NECTIN4: variants seen among roughly 807,000 people sequenced by gnomAD.
NECTIN4 encodes nectin-4.
Under a neutral mutation model 51.7 loss-of-function variants are expected in NECTIN4, and 19 were observed. The ratio of observed to expected loss-of-function variants is 0.37; its 90% CI spans 0.26 to 0.54. The LOEUF (loss-of-function observed/expected upper bound fraction) is 0.54. Among genes scored for constraint, NECTIN4 ranks in the 20% least tolerant of loss-of-function variants. NECTIN4 has a pLI of 0.86. For missense variants in NECTIN4, 619 were observed against 662.4 expected (o/e 0.93, Z 0.72); for synonymous variants, 283 against 286.9 (o/e 0.99, Z 0.14).
rs1653661519 is a variant in NECTIN4, at chr1:161,081,127, C to T, written c.80-1178G>A. Among the ~76,000 whole-genome samples the T allele has an allele frequency of 1.3e-5, 2 of 152,228 alleles. 1 individual carries two copies. The highest frequency in any genetic ancestry group is 4.2e-4 in the South Asian group (2 of 4,812). On this transcript the variant is annotated intron_variant, in intron 1 of 8. Coordinates refer to ENST00000368012, the MANE Select transcript of NECTIN4 (RefSeq NM_030916.3). ...TGTTTAGGAAGCAAAGAGGAGAGGA[C>T]CCAGCCTAAGACAGGGTGTGTGTGT...
intron 2 of NECTIN4, among the ~76,000 whole-genome samples, chr1:161,078,452 T>C (rs1417328588): frequency 1.3e-5 from 2 of 151,674 alleles, no homozygotes; most frequent in Non-Finnish European, 2.9e-5. Context: ...GGATTACAGG[T>C]GCGCACCACC....
rs374434567 is a variant in NECTIN4 at position 161,079,712 on chromosome 1, T to G, written c.317A>C (p.Asn106Thr). 43 of 1,608,874 alleles carry G rather than the reference T, an allele frequency of 2.7e-5. No individual in the cohort carries two copies. Among genetic ancestry groups the G allele is most frequent in the Non-Finnish European group, 3.5e-5 (41 of 1,179,762 alleles). ...CAGGAGCACTGAGCCGTCCAGGGGG[T>G]TGCGTGGGGGCGGCGGCTGCTCCAC... ...GRVEQPPPPR[N>T]PLDGSVLLRN... Residue 106 changes from asparagine to threonine, a missense_variant, in exon 2 of 9, where the codon AAC becomes ACC. Around this residue, in one of 3 missense-constraint regions of NECTIN4, gnomAD observed 218 missense variants for 186.3 expected, o/e 1.17. Coordinates refer to ENST00000368012, the MANE Select transcript of NECTIN4 (RefSeq NM_030916.3).
chr1:161,083,695 A>G (rs1415675583), intron 1 of NECTIN4, among the ~76,000 whole-genome samples: 15 of 152,188 alleles, frequency 9.9e-5, no homozygotes, highest in Admixed American at 9.8e-4. Context: ...CACCTTGCGC[A>G]AGGGAGAGAA....
chr1:161,074,198 A>T lies in NECTIN4; in HGVS notation c.1157+19T>A, dbSNP rs1653308655. On this transcript the variant is annotated intron_variant, in intron 6 of 8. Transcript: ENST00000368012. Reference sequence around the variant, plus strand: ...GTTCTCAGCTTAGTTCTACCCACCCAGGAGTGCCCAGTACTCACTATTTCT... The same window carrying T: ...GTTCTCAGCTTAGTTCTACCCACCCTGGAGTGCCCAGTACTCACTATTTCT... 6.2e-7 allele frequency: 1 copy of T among 1,613,860 alleles called. No homozygotes were observed. The highest frequency in any genetic ancestry group is 1.3e-5 in the African/African-American group (1 of 74,862).
At chr1:161,088,438 A>G (rs1348535554) in intron 1 of NECTIN4, among the ~76,000 whole-genome samples, 1 of 152,148 alleles carries the variant, frequency 6.6e-6, no homozygotes, top group Admixed American at 6.5e-5. Flanking sequence ...TATAATTCAT[A>G]TTTGCTCTAT....
At position 161,079,273 on chromosome 1, in the gene NECTIN4, C is replaced by G. The variant is rs147412953; in HGVS notation, c.439+317G>C. Reference sequence around the variant, plus strand: ...GGTGGGGCACGACAAAGGGCCTCTGCTTTTGGAAAGGTTGTTGTGCAGAAA... The same window carrying G: ...GGTGGGGCACGACAAAGGGCCTCTGGTTTTGGAAAGGTTGTTGTGCAGAAA... On this transcript the variant is annotated intron_variant, in intron 2 of 8. Transcript: ENST00000368012. Among the ~76,000 whole-genome samples the G allele has an allele frequency of 2.6e-5, 4 of 152,308 alleles. No individual in the cohort carries two copies. In the East Asian group the frequency reaches 7.7e-4, roughly 29 times the overall value.
At position 161,089,434 on chromosome 1, in the gene NECTIN4, A is replaced by G; in HGVS notation, c.-138T>C. On this transcript the variant is annotated 5_prime_UTR_variant, in exon 1 of 9. Transcript: ENST00000368012. This position sits in a 1 kb window ranked among gnomAD's most constrained non-coding sequence, Gnocchi z 4.1. ...TGCCTCTCGCACTTGGGTCTCCACT[A>G]GGGGACCCAGCCCCAGCCCCGGCCC... The G allele has an allele frequency of 5.3e-6, 4 of 761,434 alleles. No individual in the cohort carries two copies. The highest frequency in any genetic ancestry group is 4.4e-5 in the South Asian group (3 of 68,026). The allele number at this position is 761,434 out of a possible 1,614,324, so 47.2% of individuals were successfully genotyped here. A position where few individuals can be genotyped will look rare whatever the true frequency, so the allele number is the denominator to read the frequency against.
intron 1 of NECTIN4, among the ~76,000 whole-genome samples, chr1:161,081,429 A>G (rs1653672322): frequency 6.6e-6 from 1 of 151,890 alleles, no homozygotes. Context: ...GAAGGAGAGG[A>G]AAGACTCAAA....
intron 1 of NECTIN4, chr1:161,086,793 GATT>G (rs1653968649): frequency 6.6e-6 from 1 of 152,400 alleles, no homozygotes; most frequent in Non-Finnish European, 1.5e-5. Context: ...AATGGCCCAG[GATT>G]TGGGTGGGGG....
chr1:161,078,636 A>G (rs1299244354), intron 2 of NECTIN4, among the ~76,000 whole-genome samples: 1 of 152,166 alleles, frequency 6.6e-6, no homozygotes, highest in Non-Finnish European at 1.5e-5. Flanking sequence ...CCTTCAAAAT[A>G]TTAACACAGA....
chr1:161,074,369 G>A lies in NECTIN4; in HGVS notation c.1005C>T (p.Pro335=). Residue 335 remains proline (P), a synonymous_variant, in exon 6 of 9, where the codon CCC becomes CCT. Transcript: ENST00000368012. ...CCACCTGCTTCCCAGAGTCTTCCTG[G>A]GGGTCTGCTGGAGACAGGCCACTGT... The part of the protein sequence containing the change: ...DSQVTVDVLD[P]QEDSGKQVDL... The A allele has an allele frequency of 6.2e-7, 1 of 1,613,772 alleles. No individual in the cohort carries two copies.
At chr1:161,075,993 T>C (rs958249152) in intron 4 of NECTIN4, among the ~76,000 whole-genome samples, 14 of 152,018 alleles carry the variant, frequency 9.2e-5, no homozygotes, top group African/African-American at 3.4e-4. Flanking sequence ...GGAGAACTGC[T>C]TGAACCCAGG....
Position 161,074,709 on chromosome 1 carries a change from C to G in NECTIN4, c.902G>C (p.Gly301Ala), listed in dbSNP as rs762110909. Residue 301 changes from glycine to alanine, a missense_variant, in exon 5 of 9, where the codon GGC (glycine) becomes GCC (alanine). Coordinates refer to ENST00000368012, the MANE Select transcript of NECTIN4 (RefSeq NM_030916.3). ...GTGCTCAGTGGTCAGTGGGGGAAAGCCCAAAGTGTCCCCATCCACTCGTAC... is the reference window on the plus strand; with the variant it reads ...GTGCTCAGTGGTCAGTGGGGGAAAGGCCAAAGTGTCCCCATCCACTCGTAC... The part of the protein sequence containing the change: ...SGVRVDGDTL[G>A]FPPLTTEHSG... 2.3e-5 allele frequency: 37 copies of G among 1,614,074 alleles called. No homozygotes were observed. In the Middle Eastern group the frequency reaches 9.9e-4, roughly 43 times the overall value.
intron 3 of NECTIN4, 108 bp from the exon 4 acceptor site, chr1:161,076,583 C>A (rs1653426072): frequency 6.8e-7 from 1 of 1,478,146 alleles, no homozygotes; most frequent in African/African-American, 1.4e-5. Context: ...CCTCCCCTTG[C>A]CCTTCTCCAT....
At chr1:161,078,002 CTAA>C (rs1210664022) in intron 2 of NECTIN4, among the ~76,000 whole-genome samples, 3 of 152,006 alleles carry the variant, frequency 2.0e-5, no homozygotes, top group Non-Finnish European at 4.4e-5. Flanking sequence ...TATCATCTAC[CTAA>C]TAATAATAAC....
intron 1 of NECTIN4, among the ~76,000 whole-genome samples, chr1:161,086,389 TCCTACAGGAAAGGG>T (rs1461586256): frequency 6.6e-6 from 1 of 151,954 alleles, no homozygotes; most frequent in Admixed American, 6.5e-5. Context: ...TTTGGGTAGG[TCCTACAGGAAAGGG>T]CCTGCCCCCC....
At chr1:161,080,429 G>A (rs549626782) in intron 1 of NECTIN4, among the ~76,000 whole-genome samples, 5 of 152,334 alleles carry the variant, frequency 3.3e-5, no homozygotes, top group Admixed American at 6.5e-5. Flanking sequence ...AAGTGTGGCC[G>A]GGAGCCACGG....
chr1:161,072,668 A>ATTGATGTAGACATCAATG lies in NECTIN4; in HGVS notation c.1525_1526insCATTGATGTCTACATCAA (p.Leu509delinsProLeuMetSerThrSerMet). On this transcript the variant is annotated protein_altering_variant, in exon 9 of 9. Transcript: ENST00000368012. ...AAGGGAGGCAGGCCTGGGTCAGACC[A>ATTGATGTAGACATCAATG]GGTGTCCCCGCCCATTGATGTAGAT... 1.9e-6 allele frequency: 3 copies of ATTGATGTAGACATCAATG among 1,613,910 alleles called. No individual in the cohort carries two copies. In the Admixed American group the frequency reaches 5.0e-5, roughly 27 times the overall value.
chr1:161,072,530 G>C lies in NECTIN4; in HGVS notation c.*131C>G, dbSNP rs751111108. 7 of 778,572 alleles carry C rather than the reference G, an allele frequency of 9.0e-6. No homozygotes were observed. The highest frequency in any genetic ancestry group is 1.6e-5 in the Non-Finnish European group (7 of 445,956). 48.2% of individuals were successfully genotyped at this position (778,572 alleles called of 1,614,324 possible). On this transcript the variant is annotated 3_prime_UTR_variant, in exon 9 of 9. Transcript: ENST00000368012. ...GATGAACAGAAGGGTTGGAGGTAAA[G>C]GTCAAGCAGTCAGTGGGATGGGGAG...
Sources: allele counts gnomAD v4.1 joint callset (sites outside exome capture counted in the v4.1 genomes callset), GRCh38; gene constraint gnomAD v4.1.1; regional missense constraint gnomAD v4.1.1; non-coding constraint Gnocchi (gnomAD v3.1); transcripts MANE v1.5; gene names NCBI Gene and HGNC (gene_info 2026-07-23, HGNC 2026-07-21).